The following POU6F1 variants were observed in gnomAD, a reference collection of about 807,000 sequenced individuals.
POU6F1 encodes POU class 6 homeobox 1.
A neutral mutation model predicts 28.9 loss-of-function variants in POU6F1; 9 were observed. That is an observed-to-expected ratio of 0.31 (90% CI 0.19 to 0.54). POU6F1 has a LOEUF of 0.54. Ranked by LOEUF, POU6F1 falls within the 20% of genes least tolerant of loss-of-function variation. The pLI is 0.94. For missense variants in POU6F1, 338 were observed against 426.1 expected, an observed-to-expected ratio of 0.79 and a Z score of 1.82; for synonymous variants, 173 against 171.1, an observed-to-expected ratio of 1.01 and a Z score of -0.09.
chr12:51,203,052 G>T (rs1943330813), intron 3 of POU6F1, among the ~76,000 whole-genome samples: 1 of 152,054 alleles, frequency 6.6e-6, no homozygotes, highest in African/African-American at 2.4e-5. Context: ...TCCCTTACCT[G>T]CTTGATGGTG....
intron 1 of POU6F1, among the ~76,000 whole-genome samples, chr12:51,215,239 G>T (rs952672435): frequency 2.0e-5 from 3 of 151,628 alleles, no homozygotes; most frequent in African/African-American, 7.3e-5. Flanking sequence ...CCAGTACTGG[G>T]GCTACTTAAA....
At chr12:51,211,093 T>C (rs1336910917) in intron 1 of POU6F1, among the ~76,000 whole-genome samples, 2 of 152,222 alleles carry the variant, frequency 1.3e-5, no homozygotes, top group Non-Finnish European at 2.9e-5. Context: ...AGTTTGCTTT[T>C]TGACCATTTC....
At position 51,217,056 on chromosome 12, in the gene POU6F1, G is replaced by A. The variant is rs149991311; in HGVS notation, c.-48+586C>T. Among the ~76,000 whole-genome samples the A allele has an allele frequency of 9.5e-4, 144 of 152,286 alleles. 2 individuals carry two copies. In the Middle Eastern group the frequency reaches 0.014, roughly 14 times the overall value. On this transcript the variant is annotated intron_variant, in intron 1 of 10. Transcript: ENST00000333640. This position sits in a 1 kb window ranked among gnomAD's most constrained non-coding sequence, Gnocchi z 5.3. ...TGAAGTGCTCATGCTCTGCTAGAAG[G>A]TGGCCCTCCCATCACTGACCCACCC...
chr12:51,210,564 A>AG (rs745805018), intron 1 of POU6F1, among the ~76,000 whole-genome samples: 3 of 152,174 alleles, frequency 2.0e-5, no homozygotes, highest in Non-Finnish European at 4.4e-5. Context: ...GTGGCTGAGC[A>AG]GGGGCAAGCG....
chr12:51,198,815 TAAAAAATC>T, intron 4 of POU6F1, 40 bp from the exon 5 acceptor site: 1 of 398,396 alleles, frequency 2.5e-6, no homozygotes. Context: ...AAAGAAAAAA[TAAAAAATC>T]AACATTGACA....
chr12:51,187,940 TTTTG>T lies in POU6F1; in HGVS notation c.*2303_*2306del, dbSNP rs1384084898. 2.0e-5 allele frequency: 3 copies of T among 152,082 alleles called. No homozygotes were observed. The highest frequency in any genetic ancestry group is 7.2e-5 in the African/African-American group (3 of 41,396). The allele number at this position is 152,082 out of a possible 1,614,324, so 9.4% of individuals were successfully genotyped here. A position where few individuals can be genotyped will look rare whatever the true frequency, so the allele number is the denominator to read the frequency against. On this transcript the variant is annotated 3_prime_UTR_variant, in exon 11 of 11. Transcript: ENST00000333640. ...CATGAAAACCTGCATCGCCATAAGT[TTTTG>T]TTTGTTTGAGACCGAGTCTTGCTCT...
At chr12:51,202,443 G>T (rs1419007494) in intron 3 of POU6F1, 2 of 152,310 alleles carry the variant, frequency 1.3e-5, no homozygotes, top group Non-Finnish European at 2.9e-5. Context: ...TCCTGCCTCA[G>T]ACTCCTGAGT....
chr12:51,216,151 C>G (rs1944275929), intron 1 of POU6F1, among the ~76,000 whole-genome samples: 1 of 152,038 alleles, frequency 6.6e-6, no homozygotes, highest in South Asian at 2.1e-4. Context: ...AACCCCATCT[C>G]TACTAAGATA....
rs1944372238 is a variant in POU6F1 at position 51,217,863 on chromosome 12, C to G, written c.-269G>C. 6.6e-6 allele frequency among the ~76,000 whole-genome samples: 1 copy of G among 151,736 alleles called. No homozygotes were observed. Among genetic ancestry groups the G allele is most frequent in the Non-Finnish European group, 1.5e-5 (1 of 67,856 alleles). ...GCCCCCAGCCTGGGCTGGGCAGAGC[C>G]GAAGGGGGCTCCGCAGGCTAAGCCG... On this transcript the variant is annotated 5_prime_UTR_variant, in exon 1 of 11. Coordinates refer to ENST00000333640, the MANE Select transcript of POU6F1 (RefSeq NM_001330422.2). The surrounding 1 kb of genome is among the most constrained non-coding windows in gnomAD (Gnocchi z 5.3).
intron 3 of POU6F1, among the ~76,000 whole-genome samples, chr12:51,201,181 C>A (rs1442876151): frequency 2.0e-5 from 3 of 152,206 alleles, no homozygotes; most frequent in East Asian, 1.9e-4. Context: ...TCCAACCCTG[C>A]AGTACTAGTC....
chr12:51,193,895 C>G (rs900434205), intron 8 of POU6F1, among the ~76,000 whole-genome samples: 1 of 152,192 alleles, frequency 6.6e-6, no homozygotes, highest in African/African-American at 2.4e-5. Flanking sequence ...TTCCTGGATT[C>G]TACCCCTGGT....
At chr12:51,191,565 C>A in intron 10 of POU6F1, 31 bp downstream of exon 10, 1 of 1,605,698 alleles carries the variant, frequency 6.2e-7, no homozygotes, top group Non-Finnish European at 8.5e-7. Flanking sequence ...GCTGAGCAGG[C>A]CCTAATCCTG....
intron 10 of POU6F1, 115 bp downstream of exon 10, chr12:51,191,481 A>T: frequency 7.9e-7 from 1 of 1,264,276 alleles, no homozygotes; most frequent in South Asian, 1.5e-5. Flanking sequence ...TATCTGGAAA[A>T]AGGCTGGAGC....
rs760000727 is a variant in POU6F1, at chr12:51,190,324, C to T, written c.1759G>A (p.Val587Ile). The T allele has an allele frequency of 1.2e-6, 2 of 1,614,212 alleles. No individual in the cohort carries two copies. Among genetic ancestry groups the T allele is most frequent in the Non-Finnish European group, 1.7e-6 (2 of 1,180,038 alleles). ...IAKELNYDRE[V>I]VRVWFCNRRQ... ...CGATTGCAGAACCAGACCCGCACTA[C>T]CTCACGGTCGTAGTTGAGCTCCTTA... Residue 587 changes from valine (V) to isoleucine (I), a missense_variant, in exon 11 of 11, where the codon GTA (valine) becomes ATA (isoleucine). Physicochemically the swap from Val to Ile is conservative, Grantham distance 29. Transcript: ENST00000333640. This position sits in a 1 kb window ranked among gnomAD's most constrained non-coding sequence, Gnocchi z 4.5.
At chr12:51,195,920 T>C (rs1318947740) in intron 8 of POU6F1, 50 bp downstream of exon 8, 2 of 1,501,372 alleles carry the variant, frequency 1.3e-6, no homozygotes, top group Non-Finnish European at 1.8e-6. Context: ...AAGCAGCCGG[T>C]GCCAGATAGC....
At chr12:51,196,684 A>G (rs1487818436) in intron 7 of POU6F1, 115 bp downstream of exon 7, 11 of 1,306,822 alleles carry the variant, frequency 8.4e-6, no homozygotes, top group African/African-American at 1.5e-5. Flanking sequence ...GGAGATAGGA[A>G]CAACAGCTTG....
In POU6F1 at chr12:51,194,170, G is replaced by A. The variant is rs370268212; in HGVS notation, c.1180-1699C>T. ...GCCTCCCAAGTAGCTAGGATTACAGGTGCCCGCCACCACACCTGGCTAATT... is the reference window on the plus strand; with the variant it reads ...GCCTCCCAAGTAGCTAGGATTACAGATGCCCGCCACCACACCTGGCTAATT... On this transcript the variant is annotated intron_variant, in intron 8 of 10. Coordinates refer to ENST00000333640, the MANE Select transcript of POU6F1 (RefSeq NM_001330422.2). Among the ~76,000 whole-genome samples the A allele has an allele frequency of 1.4e-4, 21 of 152,230 alleles. No homozygotes were observed. In the East Asian group the frequency reaches 2.7e-3, roughly 20 times the overall value.
At chr12:51,194,750 G>T (rs1205159173) in intron 8 of POU6F1, among the ~76,000 whole-genome samples, 2 of 152,000 alleles carry the variant, frequency 1.3e-5, no homozygotes, top group African/African-American at 4.8e-5. Context: ...AAGAACTACT[G>T]CTTGTTTTTC....
intron 8 of POU6F1, among the ~76,000 whole-genome samples, chr12:51,193,399 A>AC (rs1942576937): frequency 1.3e-5 from 2 of 152,132 alleles, no homozygotes; most frequent in Non-Finnish European, 1.5e-5. Flanking sequence ...ACATAGTGAG[A>AC]CCCCGACTCT....
Sources: allele counts gnomAD v4.1 joint callset (sites outside exome capture counted in the v4.1 genomes callset), GRCh38; gene constraint gnomAD v4.1.1; non-coding constraint Gnocchi (gnomAD v3.1); transcripts MANE v1.5; gene names NCBI Gene and HGNC (gene_info 2026-07-23, HGNC 2026-07-21).